PTPRN2: variants seen among roughly 807,000 people sequenced by gnomAD.
The protein encoded by PTPRN2 is receptor-type tyrosine-protein phosphatase N2.
Under a neutral mutation model 118.8 loss-of-function variants are expected in PTPRN2, and 74 were observed. That is an observed-to-expected ratio of 0.62 (90% confidence interval 0.52 to 0.76). The LOEUF is 0.76. PTPRN2 is among the 30% of genes least tolerant of loss of function. The pLI, the probability that PTPRN2 is intolerant of heterozygous loss-of-function variation, is 0.00. For missense variants in PTPRN2, 1,481 were observed against 1,394.4 expected (o/e 1.06, Z -0.99); for synonymous variants, 641 against 608.0 (o/e 1.05, Z -0.80).
intron 3 of PTPRN2, among the ~76,000 whole-genome samples, chr7:158,255,669 G>A (rs980977655): frequency 3.9e-5 from 6 of 152,192 alleles, no homozygotes; most frequent in South Asian, 4.2e-4. Context: ...TCACAGTTTC[G>A]AGGACTCCAT....
At chr7:158,314,245 T>A (rs1802106119) in intron 3 of PTPRN2, among the ~76,000 whole-genome samples, 1 of 152,156 alleles carries the variant, frequency 6.6e-6, no homozygotes, top group African/African-American at 2.4e-5. Flanking sequence ...TGGCCTCCAC[T>A]CGCACGTCCA....
chr7:158,375,451 C>T (rs754047979), intron 2 of PTPRN2, among the ~76,000 whole-genome samples: 4 of 152,172 alleles, frequency 2.6e-5, no homozygotes, highest in South Asian at 2.1e-4. Context: ...CCAGCCATCT[C>T]GGGGATGTGG....
intron 14 of PTPRN2, among the ~76,000 whole-genome samples, chr7:157,643,939 C>T (rs1804865521): frequency 6.6e-6 from 1 of 152,236 alleles, no homozygotes; most frequent in Admixed American, 6.5e-5. Context: ...GCTCAGCTCA[C>T]CAGTGCGGGG....
At chr7:157,796,804 C>G (rs577538591) in intron 12 of PTPRN2, among the ~76,000 whole-genome samples, 1 of 152,116 alleles carries the variant, frequency 6.6e-6, no homozygotes, top group Non-Finnish European at 1.5e-5. Flanking sequence ...TTTAAACACA[C>G]GGGTCTCAGA....
intron 11 of PTPRN2, among the ~76,000 whole-genome samples, chr7:157,991,874 A>T (rs1049234223): frequency 3.9e-5 from 6 of 152,204 alleles, no homozygotes; most frequent in African/African-American, 1.4e-4. Flanking sequence ...CAGGAGTGAG[A>T]TCAGACCCTC....
intron 12 of PTPRN2, among the ~76,000 whole-genome samples, chr7:157,765,337 CCACCCATCCATCATCCTTT>C (rs1204812598): frequency 1.3e-5 from 2 of 151,656 alleles, no homozygotes; most frequent in African/African-American, 4.8e-5. Context: ...CATCATCCAT[CCACCCATCCATCATCCTTT>C]CACCCATCCA....
intron 6 of PTPRN2, among the ~76,000 whole-genome samples, chr7:158,151,608 C>T (rs1585650551): frequency 6.6e-6 from 1 of 152,184 alleles, no homozygotes; most frequent in African/African-American, 2.4e-5. Context: ...ACGCCCTCCC[C>T]TTCAGGGACA....
intron 11 of PTPRN2, among the ~76,000 whole-genome samples, chr7:157,999,898 A>AT (rs775983990): frequency 1.3e-5 from 2 of 149,670 alleles, no homozygotes; most frequent in African/African-American, 4.9e-5. Flanking sequence ...TTTCATTATT[A>AT]TTTTTTGAGT....
At chr7:157,571,089 CA>C (rs112233638) in intron 20 of PTPRN2, among the ~76,000 whole-genome samples, 1 of 149,064 alleles carries the variant, frequency 6.7e-6, no homozygotes, top group African/African-American at 2.5e-5. Flanking sequence ...ACTAAAAATA[CA>C]AAAAAAATTA....
At chr7:158,337,288 CCAT>C (rs1229747539) in intron 2 of PTPRN2, among the ~76,000 whole-genome samples, 2 of 151,280 alleles carry the variant, frequency 1.3e-5, no homozygotes, top group Admixed American at 1.3e-4. Context: ...CACACTCTCA[CCAT>C]AAGAGCTGTC....
At chr7:157,797,457 G>C (rs1804943667) in intron 12 of PTPRN2, among the ~76,000 whole-genome samples, 2 of 152,068 alleles carry the variant, frequency 1.3e-5, no homozygotes, top group African/African-American at 4.8e-5. Flanking sequence ...TGGCCACAGG[G>C]ATGCTTATGG....
At position 157,929,223 on chromosome 7, in the gene PTPRN2, C is replaced by G. The variant is rs2128778048; in HGVS notation, c.1724-30486G>C. Among the ~76,000 whole-genome samples the G allele has an allele frequency of 6.6e-6, 1 of 152,272 alleles. No homozygotes were observed. Among genetic ancestry groups the G allele is most frequent in the East Asian group, 1.9e-4 (1 of 5,180 alleles). Reference sequence around the variant, plus strand: ...GGCAGGGTCGTCCCTGGCATGACCCCCTCCCCATAACCCACAGCCCCTCTT... The same window carrying G: ...GGCAGGGTCGTCCCTGGCATGACCCGCTCCCCATAACCCACAGCCCCTCTT... On this transcript the variant is annotated intron_variant, in intron 11 of 22. Coordinates refer to ENST00000389418, the MANE Select transcript of PTPRN2 (RefSeq NM_002847.5). The surrounding 1 kb of genome is among the most constrained non-coding windows in gnomAD (Gnocchi z 4.4).
At chr7:158,247,613 T>G (rs1211505499) in intron 3 of PTPRN2, among the ~76,000 whole-genome samples, 2 of 145,302 alleles carry the variant, frequency 1.4e-5, no homozygotes, top group Non-Finnish European at 1.5e-5. Context: ...GTGTCTGCGG[T>G]TTTTTTGTTT....
intron 12 of PTPRN2, among the ~76,000 whole-genome samples, chr7:157,805,957 G>A (rs1805605573): frequency 6.6e-6 from 1 of 152,178 alleles, no homozygotes; most frequent in Non-Finnish European, 1.5e-5. Context: ...TGCACCGGCT[G>A]GGTGACGGCC....
chr7:158,149,520 C>G (rs970044276), intron 6 of PTPRN2, among the ~76,000 whole-genome samples: 1 of 152,006 alleles, frequency 6.6e-6, no homozygotes, highest in African/African-American at 2.4e-5. Flanking sequence ...AAAGATAAGC[C>G]CGGCTGGGCG....
At chr7:157,595,928 A>C (rs1329347837) in intron 16 of PTPRN2, among the ~76,000 whole-genome samples, 2 of 152,250 alleles carry the variant, frequency 1.3e-5, no homozygotes, top group East Asian at 3.9e-4. Flanking sequence ...CAAGGAGGGC[A>C]GGCAGCCGTT....
intron 2 of PTPRN2, among the ~76,000 whole-genome samples, chr7:158,344,608 G>A (rs573935406): frequency 4.6e-5 from 7 of 152,256 alleles, no homozygotes; most frequent in African/African-American, 1.7e-4. Flanking sequence ...TCTAGCCCAA[G>A]AATGAGTGAG....
At chr7:157,897,636 C>T (rs1282703171) in intron 12 of PTPRN2, among the ~76,000 whole-genome samples, 1 of 152,228 alleles carries the variant, frequency 6.6e-6, no homozygotes, top group Non-Finnish European at 1.5e-5. Flanking sequence ...TTTTCAAAGC[C>T]CTTCAGGCTA....
At chr7:158,340,525 A>C (rs1806507058) in intron 2 of PTPRN2, among the ~76,000 whole-genome samples, 1 of 123,230 alleles carries the variant, frequency 8.1e-6, no homozygotes, top group Non-Finnish European at 1.7e-5. Flanking sequence ...CCACATTCTC[A>C]CCATAAGAGC....
Sources: gnomAD v4.1 joint callset for allele counts (sites outside exome capture counted in the v4.1 genomes callset) on GRCh38, gnomAD v4.1.1 for gene constraint, Gnocchi (gnomAD v3.1) non-coding constraint, MANE v1.5 for transcripts, NCBI Gene and HGNC (gene_info 2026-07-23, HGNC 2026-07-21) for gene names.